The following PTPRN2 variants were observed in gnomAD, a reference collection of about 807,000 sequenced individuals.
PTPRN2 encodes the protein receptor-type tyrosine-protein phosphatase N2.
PTPRN2 carries 74 observed loss-of-function variants against 118.8 expected under a neutral mutation model. The observed-to-expected ratio is 0.62, with a 90% CI of 0.52 to 0.76. The LOEUF (loss-of-function observed/expected upper bound fraction) is 0.76, where lower values mean the gene tolerates loss of function less well. PTPRN2 is among the 30% of genes least tolerant of loss of function. The pLI, the probability that PTPRN2 is intolerant of heterozygous loss-of-function variation, is 0.00. For synonymous variants in PTPRN2, 641 were observed against 608.0 expected (o/e 1.05, Z -0.80); for missense variants, 1,481 against 1,394.4 (o/e 1.06, Z -0.99).
Position 157,560,302 on chromosome 7 carries a change from C to T in PTPRN2, c.2902+8600G>A, listed in dbSNP as rs1434837058. ...GTGAGGACGGCTCCATGCACAGGGA[C>T]GAAGACCCCCGAGGAGACCATCGAA... On this transcript the variant is annotated intron_variant, in intron 21 of 22. Coordinates refer to ENST00000389418, the MANE Select transcript of PTPRN2 (RefSeq NM_002847.5). This position sits in a 1 kb window ranked among gnomAD's most constrained non-coding sequence, Gnocchi z 6.7. 5.9e-5 allele frequency among the ~76,000 whole-genome samples: 9 copies of T among 152,104 alleles called. No homozygotes were observed. Among genetic ancestry groups the T allele is most frequent in the African/African-American group, 1.2e-4 (5 of 41,410 alleles).
intron 3 of PTPRN2, among the ~76,000 whole-genome samples, chr7:158,208,677 G>A (rs1017460121): frequency 3.3e-5 from 5 of 152,168 alleles, no homozygotes; most frequent in South Asian, 2.1e-4. Context: ...TGAAATAAAA[G>A]AATGTTAGTG....
At chr7:158,011,548 T>A (rs1444268001) in intron 11 of PTPRN2, among the ~76,000 whole-genome samples, 2 of 152,180 alleles carry the variant, frequency 1.3e-5, no homozygotes, top group African/African-American at 4.8e-5. Flanking sequence ...ATGGTACAAA[T>A]TAAGAACATA....
At chr7:158,487,254 C>T (rs1362120157) in intron 2 of PTPRN2, among the ~76,000 whole-genome samples, 4 of 152,212 alleles carry the variant, frequency 2.6e-5, no homozygotes, top group Non-Finnish European at 4.4e-5. Context: ...AACAGCTCTT[C>T]AAGTCTCTGC....
intron 3 of PTPRN2, among the ~76,000 whole-genome samples, chr7:158,296,970 G>A (rs1800548542): frequency 6.6e-6 from 1 of 152,186 alleles, no homozygotes; most frequent in Non-Finnish European, 1.5e-5. Context: ...GGAGCAGTTG[G>A]GGTGGTGGGG....
chr7:158,172,179 C>T (rs192086410), intron 5 of PTPRN2, among the ~76,000 whole-genome samples: 292 of 152,312 alleles, frequency 1.9e-3, no homozygotes, highest in African/African-American at 6.7e-3. Flanking sequence ...AAGACTGGCC[C>T]AATCCTGTCA....
chr7:157,778,336 G>A (rs1050535626), intron 12 of PTPRN2, among the ~76,000 whole-genome samples: 3 of 152,092 alleles, frequency 2.0e-5, no homozygotes, highest in Admixed American at 6.5e-5. Flanking sequence ...AAATGCCCAC[G>A]TACATGTGAT....
chr7:157,748,734 C>G (rs1456497828), intron 12 of PTPRN2, among the ~76,000 whole-genome samples: 1 of 133,050 alleles, frequency 7.5e-6, no homozygotes, highest in Non-Finnish European at 1.6e-5. Flanking sequence ...CGTCCCTGAG[C>G]TGTGGGCTGT....
intron 2 of PTPRN2, among the ~76,000 whole-genome samples, chr7:158,466,528 T>C (rs1819400324): frequency 6.6e-6 from 1 of 152,232 alleles, no homozygotes; most frequent in African/African-American, 2.4e-5. Context: ...TAAGGCTGAA[T>C]AGTATCCATT....
intron 12 of PTPRN2, among the ~76,000 whole-genome samples, chr7:157,701,630 G>T (rs1798071042): frequency 6.6e-6 from 1 of 152,196 alleles, no homozygotes; most frequent in Admixed American, 6.5e-5. Flanking sequence ...CCGAAGTTCT[G>T]TGGCCACAGC....
At chr7:158,175,906 G>A (rs927338989) in intron 5 of PTPRN2, among the ~76,000 whole-genome samples, 3 of 152,206 alleles carry the variant, frequency 2.0e-5, no homozygotes, top group Admixed American at 6.5e-5. Flanking sequence ...TGAGGCCAGT[G>A]CTGCTCTCAG....
chr7:158,461,276 A>C (rs1206171712), intron 2 of PTPRN2, among the ~76,000 whole-genome samples: 1 of 152,158 alleles, frequency 6.6e-6, no homozygotes, highest in African/African-American at 2.4e-5. Context: ...GGGGTGGATC[A>C]CGAGGTCAAG....
intron 13 of PTPRN2, among the ~76,000 whole-genome samples, chr7:157,668,923 G>A (rs1796270958): frequency 1.3e-5 from 2 of 152,188 alleles, no homozygotes; most frequent in Non-Finnish European, 2.9e-5. Context: ...ACCTCTCCCC[G>A]ATCATGACAC....
In PTPRN2 at chr7:158,486,272, AC is replaced by A. The variant is rs781453010; in HGVS notation, c.163+3462del. 1.6e-4 allele frequency among the ~76,000 whole-genome samples: 25 copies of A among 152,350 alleles called. 1 individual carries two copies. The highest frequency in any genetic ancestry group is 3.4e-3 in the Middle Eastern group (1 of 294). On this transcript the variant is annotated intron_variant, in intron 2 of 22. Coordinates refer to ENST00000389418, the MANE Select transcript of PTPRN2 (RefSeq NM_002847.5). ...CTCCCACCAGCAGGGCGTGAAAGCGACCAGCTCACTTCCCGACATAAGCGTG... is the reference window on the plus strand; with the variant it reads ...CTCCCACCAGCAGGGCGTGAAAGCGACAGCTCACTTCCCGACATAAGCGTG...
chr7:158,338,054 T>A (rs1806033025), intron 2 of PTPRN2, among the ~76,000 whole-genome samples: 1 of 15,320 alleles, frequency 6.5e-5, no homozygotes, highest in Non-Finnish European at 1.6e-4. Context: ...CCATAAGAGG[T>A]GACACCTGCA....
At chr7:158,205,330 T>G in intron 3 of PTPRN2, 57 bp from the exon 4 acceptor site, 7 of 1,308,182 alleles carry the variant, frequency 5.4e-6, no homozygotes, top group Non-Finnish European at 7.7e-6. Context: ...GCCAAAGCTC[T>G]TGCTTCAGTC....
chr7:157,539,191 TAATTA>T lies in PTPRN2; in HGVS notation c.*1518_*1522del, dbSNP rs1403391500. Reference sequence around the variant, plus strand: ...TATATTCAGATAAATTCATTTCGATTAATTAAATTCCAGATAGAGAGAAGTAATTT... The same window carrying T: ...TATATTCAGATAAATTCATTTCGATTAATTCCAGATAGAGAGAAGTAATTT... On this transcript the variant is annotated 3_prime_UTR_variant, in exon 23 of 23. Coordinates refer to ENST00000389418, the MANE Select transcript of PTPRN2 (RefSeq NM_002847.5). The T allele has an allele frequency of 2.0e-5, 3 of 152,178 alleles. No homozygotes were observed. The East Asian group carries it at 5.8e-4, about 29-fold the overall frequency. The allele number at this position is 152,178 out of a possible 1,614,324, so 9.4% of individuals were successfully genotyped here.
chr7:157,988,177 C>T (rs1287140951), intron 11 of PTPRN2, among the ~76,000 whole-genome samples: 1 of 152,206 alleles, frequency 6.6e-6, no homozygotes, highest in African/African-American at 2.4e-5. Context: ...CATGGGAGCA[C>T]CAGGGAACAC....
chr7:157,982,097 C>T (rs1311324700), intron 11 of PTPRN2, among the ~76,000 whole-genome samples: 1 of 146,626 alleles, frequency 6.8e-6, no homozygotes, highest in Non-Finnish European at 1.5e-5. Flanking sequence ...CCCTCTAAAC[C>T]CCGAGTCACA....
chr7:157,798,332 C>T (rs76394769), intron 12 of PTPRN2, among the ~76,000 whole-genome samples: 13,851 of 152,228 alleles, frequency 0.091, 703 homozygotes, highest in Middle Eastern at 0.14. Context: ...GCCTCTGAGA[C>T]GAACCTGTGA....
Sources: gnomAD v4.1 joint callset for allele counts (sites outside exome capture counted in the v4.1 genomes callset) on GRCh38, gnomAD v4.1.1 for gene constraint, Gnocchi (gnomAD v3.1) non-coding constraint, MANE v1.5 for transcripts, NCBI Gene and HGNC (gene_info 2026-07-23, HGNC 2026-07-21) for gene names.